PPP2R2C: variants seen among roughly 807,000 people sequenced by gnomAD.
PPP2R2C encodes the protein protein phosphatase 2, regulatory subunit B, gamma.
PPP2R2C carries 10 observed loss-of-function variants against 45.3 expected under a neutral mutation model. That is an observed-to-expected ratio of 0.22 (90% confidence interval 0.14 to 0.37). PPP2R2C has a LOEUF of 0.37. Ranked by LOEUF, PPP2R2C falls within the 10% of genes least tolerant of loss-of-function variation. The pLI is 1.00. For missense variants in PPP2R2C, 308 were observed against 619.7 expected, an observed-to-expected ratio of 0.50 and a Z score of 5.34; for synonymous variants, 257 against 245.4, an observed-to-expected ratio of 1.05 and a Z score of -0.44.
At chr4:6,446,433 G>C (rs1291830669) in intron 1 of PPP2R2C, among the ~76,000 whole-genome samples, 2 of 152,090 alleles carry the variant, frequency 1.3e-5, no homozygotes, top group African/African-American at 4.8e-5. Flanking sequence ...AGGCCACGGG[G>C]GGAACAGACG....
chr4:6,472,128 G>A (rs1266548479), intron 1 of PPP2R2C, 32 bp downstream of exon 1: 1 of 1,612,858 alleles, frequency 6.2e-7, no homozygotes, highest in Admixed American at 1.7e-5. Context: ...GCCGCGGCCG[G>A]CCGGAGGGGT....
At chr4:6,325,774 G>T (rs1731889142) in intron 8 of PPP2R2C, among the ~76,000 whole-genome samples, 1 of 152,162 alleles carries the variant, frequency 6.6e-6, no homozygotes, top group South Asian at 2.1e-4. Flanking sequence ...TCCCTTAACA[G>T]GGAAAAGGGC....
intron 1 of PPP2R2C, among the ~76,000 whole-genome samples, chr4:6,418,657 C>T (rs1718762089): frequency 6.6e-6 from 1 of 152,218 alleles, no homozygotes; most frequent in African/African-American, 2.4e-5. Flanking sequence ...GGGTTCACCT[C>T]ACTTCAGAGA....
chr4:6,528,484 A>G (rs1577241035), intron 2 of PPP2R2C, among the ~76,000 whole-genome samples: 1 of 151,952 alleles, frequency 6.6e-6, no homozygotes, highest in South Asian at 2.1e-4. Context: ...CACTCGACCC[A>G]AACTGCCTGG....
chr4:6,347,324 A>C (rs898980356), intron 6 of PPP2R2C, among the ~76,000 whole-genome samples: 2 of 151,686 alleles, frequency 1.3e-5, no homozygotes, highest in Non-Finnish European at 2.9e-5. Context: ...TCAGCCCCAG[A>C]CCTCCACGGA....
intron 1 of PPP2R2C, among the ~76,000 whole-genome samples, chr4:6,555,875 T>C (rs1314000197): frequency 1.3e-5 from 2 of 152,186 alleles, no homozygotes; most frequent in African/African-American, 4.8e-5. Context: ...TGTCCCCTGA[T>C]GTTGGAGACT....
rs867136191 is a variant in PPP2R2C, at chr4:6,345,474, T to C, written c.790+2372A>G. On this transcript the variant is annotated intron_variant, in intron 6 of 8. Coordinates refer to ENST00000382599, the MANE Select transcript of PPP2R2C (RefSeq NM_020416.4). This position sits in a 1 kb window ranked among gnomAD's most constrained non-coding sequence, Gnocchi z 5.3. ...AGCCAACCTTGAGATGAGGAAGTCA[T>C]CCTGGATCATTAGGGGTGGCAGGAA... 1.2e-4 allele frequency among the ~76,000 whole-genome samples: 18 copies of C among 152,148 alleles called. No homozygotes were observed. The highest frequency in any genetic ancestry group is 3.2e-3 in the Middle Eastern group (1 of 316).
At chr4:6,414,507 T>C (rs1419751860) in intron 1 of PPP2R2C, among the ~76,000 whole-genome samples, 1 of 152,074 alleles carries the variant, frequency 6.6e-6, no homozygotes, top group Admixed American at 6.5e-5. Context: ...CAAGGATGGC[T>C]ACAGGCACCA....
intron 5 of PPP2R2C, among the ~76,000 whole-genome samples, chr4:6,351,916 C>T (rs982066676): frequency 6.6e-6 from 1 of 152,180 alleles, no homozygotes; most frequent in Non-Finnish European, 1.5e-5. Context: ...GCCTGCAGCC[C>T]AGCCCTTTAC....
intron 6 of PPP2R2C, 131 bp downstream of exon 6, chr4:6,347,715 A>T (rs958997415): frequency 8.2e-7 from 1 of 1,219,632 alleles, no homozygotes; most frequent in African/African-American, 1.5e-5. Flanking sequence ...CAATGGGCCC[A>T]CCCACCTTGG....
In PPP2R2C at chr4:6,479,272, C is replaced by G. The variant is rs544807674; in HGVS notation, c.49+55999G>C. On this transcript the variant is annotated intron_variant, in intron 2 of 9. Coordinates refer to the PPP2R2C transcript ENST00000506140. Reference sequence around the variant, plus strand: ...TAGCTGCTTCTCTGCCAGCATTCCCCTCCATGACCCCCAGGTCCCAGGACC... The same window carrying G: ...TAGCTGCTTCTCTGCCAGCATTCCCGTCCATGACCCCCAGGTCCCAGGACC... Among the ~76,000 whole-genome samples, 16 of 152,312 alleles carry G rather than the reference C, an allele frequency of 1.1e-4. 1 individual carries two copies. In the South Asian group the frequency reaches 3.3e-3, roughly 32 times the overall value.
chr4:6,407,580 T>C (rs1717886242), intron 1 of PPP2R2C, among the ~76,000 whole-genome samples: 1 of 152,136 alleles, frequency 6.6e-6, no homozygotes, highest in African/African-American at 2.4e-5. Flanking sequence ...TTTGTATTTT[T>C]AGTAGAGACG....
At chr4:6,381,960 C>A (rs1715831779) in intron 1 of PPP2R2C, 1 of 1,470,560 alleles carries the variant, frequency 6.8e-7, no homozygotes. Flanking sequence ...GGGTGGCCAG[C>A]CCTGGGAGTG....
At chr4:6,362,696 C>A (rs762610429) in intron 5 of PPP2R2C, among the ~76,000 whole-genome samples, 1 of 152,164 alleles carries the variant, frequency 6.6e-6, no homozygotes, top group Non-Finnish European at 1.5e-5. Flanking sequence ...CCCCACCTGG[C>A]GAGTGGTCAT....
chr4:6,534,600 AAC>A (rs1194777346), intron 2 of PPP2R2C, among the ~76,000 whole-genome samples: 1 of 150,946 alleles, frequency 6.6e-6, no homozygotes, highest in East Asian at 2.0e-4. Context: ...ACACATCCTA[AAC>A]ACACACATCA....
At chr4:6,415,181 G>A (rs1718490490) in intron 1 of PPP2R2C, among the ~76,000 whole-genome samples, 1 of 152,302 alleles carries the variant, frequency 6.6e-6, no homozygotes, top group South Asian at 2.1e-4. Context: ...GGTGAATATC[G>A]GGGGGCTTTC....
chr4:6,513,671 TTCA>T (rs1430576994), intron 2 of PPP2R2C, among the ~76,000 whole-genome samples: 1 of 152,056 alleles, frequency 6.6e-6, no homozygotes, highest in Non-Finnish European at 1.5e-5. Context: ...CCTGGACCAG[TTCA>T]TTAAGGGCAT....
At position 6,345,700 on chromosome 4, in the gene PPP2R2C, T is replaced by C. The variant is rs1711817162; in HGVS notation, c.790+2146A>G. Among the ~76,000 whole-genome samples, 1 of 152,140 alleles carries C rather than the reference T, an allele frequency of 6.6e-6. No individual in the cohort carries two copies. The highest frequency in any genetic ancestry group is 2.4e-5 in the African/African-American group (1 of 41,424). On this transcript the variant is annotated intron_variant, in intron 6 of 8. Transcript: ENST00000382599. The surrounding 1 kb of genome is among the most constrained non-coding windows in gnomAD (Gnocchi z 5.3). ...GTACCAGCCCGTGGCACCTTCATTA[T>C]GGCCAGTGAGCTGGCTGTGGGACTG... is the stretch of plus-strand genomic sequence containing the variant.
At chr4:6,333,985 G>A (rs1055124814) in intron 6 of PPP2R2C, among the ~76,000 whole-genome samples, 2 of 152,216 alleles carry the variant, frequency 1.3e-5, no homozygotes, top group African/African-American at 2.4e-5. Context: ...TGCCTGGGGA[G>A]TCAGTGCTGG....
Sources: gnomAD v4.1 joint callset for allele counts (sites outside exome capture counted in the v4.1 genomes callset) on GRCh38, gnomAD v4.1.1 for gene constraint, Gnocchi (gnomAD v3.1) non-coding constraint, MANE v1.5 for transcripts, NCBI Gene and HGNC (gene_info 2026-07-23, HGNC 2026-07-21) for gene names.